The following CNOT4 variants were observed in gnomAD, a reference collection of about 807,000 sequenced individuals.
The protein encoded by CNOT4 is CCR4-associated factor 4.
CNOT4 carries 8 observed loss-of-function variants against 73.8 expected under a neutral mutation model. The observed-to-expected ratio is 0.11, with a 90% confidence interval of 0.06 to 0.20. The LOEUF (loss-of-function observed/expected upper bound fraction) is 0.20. Among genes scored for constraint, CNOT4 ranks in the 10% least tolerant of loss-of-function variants. CNOT4 has a pLI of 1.00. For missense variants in CNOT4, 564 were observed against 883.4 expected (o/e 0.64, Z 4.58); for synonymous variants, 293 against 321.1 (o/e 0.91, Z 0.94).
At position 135,363,547 on chromosome 7, in the gene CNOT4, T is replaced by C. The variant is rs1457495873; in HGVS notation, c.1840+307A>G. Among the ~76,000 whole-genome samples the C allele has an allele frequency of 6.6e-6, 1 of 152,192 alleles. No homozygotes were observed. The highest frequency in any genetic ancestry group is 6.5e-5 in the Admixed American group (1 of 15,276). ...GCTTTATAACAAAAAGTGGAGTATG[T>C]TCCTTATAAGAAGAGTAAGTCAGAT... On this transcript the variant is annotated intron_variant, in intron 11 of 11. Transcript: ENST00000541284. The surrounding 1 kb of genome is among the most constrained non-coding windows in gnomAD (Gnocchi z 4.3).
At chr7:135,399,041 A>G (rs991550392) in intron 7 of CNOT4, among the ~76,000 whole-genome samples, 2 of 152,124 alleles carry the variant, frequency 1.3e-5, no homozygotes, top group Non-Finnish European at 2.9e-5. Context: ...GTACCATGGT[A>G]AAGTAAATCA....
chr7:135,441,936 A>C (rs1210808047), intron 1 of CNOT4, among the ~76,000 whole-genome samples: 1 of 152,202 alleles, frequency 6.6e-6, no homozygotes, highest in East Asian at 1.9e-4. Context: ...AGCACCATGG[A>C]GAGAAGCCAC....
intron 7 of CNOT4, among the ~76,000 whole-genome samples, chr7:135,408,335 G>A (rs1797407822): frequency 6.6e-6 from 1 of 152,036 alleles, no homozygotes; most frequent in Admixed American, 6.6e-5. Context: ...TTAGTGACAT[G>A]GGGAAATTAT....
chr7:135,384,576 C>T (rs972737087), intron 10 of CNOT4: 35 of 720,706 alleles, frequency 4.9e-5, no homozygotes, highest in Non-Finnish European at 7.9e-5. Context: ...TGAGCCACCG[C>T]GCCTGGCCAC....
At chr7:135,472,842 C>T (rs1386415163) in intron 1 of CNOT4, among the ~76,000 whole-genome samples, 1 of 151,808 alleles carries the variant, frequency 6.6e-6, no homozygotes, top group East Asian at 1.9e-4. Context: ...TAGTTAAAGG[C>T]CAGCCTGGGA....
chr7:135,474,479 G>A (rs928946392), intron 1 of CNOT4, among the ~76,000 whole-genome samples: 1 of 151,134 alleles, frequency 6.6e-6, no homozygotes, highest in Non-Finnish European at 1.5e-5. Flanking sequence ...GTTTCATCAC[G>A]TTGGCCAAGC....
chr7:135,395,980 TC>T, intron 8 of CNOT4, 97 bp from the exon 9 acceptor site: 1 of 740,832 alleles, frequency 1.3e-6, no homozygotes, highest in African/African-American at 1.8e-5. Flanking sequence ...GAATAGTGTT[TC>T]ACAAACTGGT....
chr7:135,458,720 T>C (rs957702536), intron 1 of CNOT4, among the ~76,000 whole-genome samples: 1 of 152,120 alleles, frequency 6.6e-6, no homozygotes, highest in African/African-American at 2.4e-5. Context: ...CATCTCCTTA[T>C]CTGTTCAAAT....
At chr7:135,457,830 A>G (rs916865453) in intron 1 of CNOT4, among the ~76,000 whole-genome samples, 3 of 152,124 alleles carry the variant, frequency 2.0e-5, no homozygotes, top group Non-Finnish European at 4.4e-5. Flanking sequence ...TATCAAGAGC[A>G]TATGTATGTG....
intron 10 of CNOT4, among the ~76,000 whole-genome samples, chr7:135,382,387 C>T (rs571088074): frequency 6.6e-6 from 1 of 152,310 alleles, no homozygotes; most frequent in Non-Finnish European, 1.5e-5. Context: ...GTCCAAGGAG[C>T]AGTGGCTTCT....
At chr7:135,382,017 T>C (rs1307982434) in intron 10 of CNOT4, among the ~76,000 whole-genome samples, 2 of 152,154 alleles carry the variant, frequency 1.3e-5, no homozygotes, top group East Asian at 1.9e-4. Context: ...GTGAAGTCAA[T>C]AGTTGCCTTA....
chr7:135,368,962 A>G (rs113629246), intron 10 of CNOT4, among the ~76,000 whole-genome samples: 4,419 of 152,234 alleles, frequency 0.029, 237 homozygotes, highest in African/African-American at 0.1. Context: ...ATAAATAGCA[A>G]AATGTGGGAA....
At chr7:135,475,109 T>C (rs1421998778) in intron 1 of CNOT4, among the ~76,000 whole-genome samples, 1 of 152,162 alleles carries the variant, frequency 6.6e-6, no homozygotes, top group Non-Finnish European at 1.5e-5. Context: ...GTTATCTGTA[T>C]GACAGAACAA....
At chr7:135,446,249 T>TA (rs1799816462) in intron 1 of CNOT4, among the ~76,000 whole-genome samples, 1 of 152,090 alleles carries the variant, frequency 6.6e-6, no homozygotes, top group Non-Finnish European at 1.5e-5. Context: ...TAAAGGTTAC[T>TA]AGGGGGCTGG....
rs1803579626 is a variant in CNOT4, at chr7:135,496,345, G to C, written c.-93+13544C>G. On this transcript the variant is annotated intron_variant, in intron 1 of 11. Transcript: ENST00000541284. ...TGACCTCACGTCATCTGCTCGCCTTGGCCTCCCACAGTGCTGGGATTACAG... is the reference window on the plus strand; with the variant it reads ...TGACCTCACGTCATCTGCTCGCCTTCGCCTCCCACAGTGCTGGGATTACAG... 2.0e-5 allele frequency among the ~76,000 whole-genome samples: 3 copies of C among 152,262 alleles called. No individual in the cohort carries two copies. In the South Asian group the frequency reaches 6.2e-4, roughly 32 times the overall value.
intron 7 of CNOT4, among the ~76,000 whole-genome samples, chr7:135,409,080 GA>G (rs1487076461): frequency 6.6e-6 from 1 of 152,130 alleles, no homozygotes; most frequent in Non-Finnish European, 1.5e-5. Flanking sequence ...CCCAGAATTT[GA>G]CTTAAATTAG....
chr7:135,472,552 T>TATAAA (rs1435249022), intron 1 of CNOT4, among the ~76,000 whole-genome samples: 9 of 75,496 alleles, frequency 1.2e-4, no homozygotes, highest in Non-Finnish European at 1.9e-4. Flanking sequence ...TATATATATA[T>TATAAA]ATATATAAAG....
chr7:135,403,476 G>C (rs918987874), intron 7 of CNOT4, among the ~76,000 whole-genome samples: 1 of 152,194 alleles, frequency 6.6e-6, no homozygotes, highest in Non-Finnish European at 1.5e-5. Flanking sequence ...ACAAGAAGCT[G>C]GGTGTAGCAC....
chr7:135,387,749 GA>G, intron 10 of CNOT4: 1 of 979,022 alleles, frequency 1.0e-6, no homozygotes, highest in Non-Finnish European at 1.2e-6. Context: ...ACTATTTCAA[GA>G]AATGTGTTTT....
Sources: gnomAD v4.1 joint callset for allele counts (sites outside exome capture counted in the v4.1 genomes callset) on GRCh38, gnomAD v4.1.1 for gene constraint, Gnocchi (gnomAD v3.1) non-coding constraint, MANE v1.5 for transcripts, NCBI Gene and HGNC (gene_info 2026-07-23, HGNC 2026-07-21) for gene names.